WDTC1: variants seen among roughly 807,000 people sequenced by gnomAD.
WDTC1 encodes WD and tetratricopeptide repeats protein 1.
In WDTC1, 12 loss-of-function variants were observed where a neutral mutation model predicts 76.0. The observed-to-expected ratio is 0.16, with a 90% CI of 0.10 to 0.26. WDTC1 has a LOEUF of 0.26. Ranked by LOEUF, WDTC1 falls within the 10% of genes least tolerant of loss-of-function variation. The pLI is 1.00. For missense variants in WDTC1, 511 were observed against 908.8 expected, an observed-to-expected ratio of 0.56 and a Z score of 5.63; for synonymous variants, 326 against 350.8, an observed-to-expected ratio of 0.93 and a Z score of 0.79.
intron 1 of WDTC1, among the ~76,000 whole-genome samples, chr1:27,260,395 G>A (rs180997786): frequency 6.6e-6 from 1 of 152,272 alleles, no homozygotes; most frequent in African/African-American, 2.4e-5. Flanking sequence ...GTGAGCCACC[G>A]CGCCCGGCCC....
intron 1 of WDTC1, among the ~76,000 whole-genome samples, chr1:27,237,747 A>C (rs1454529419): frequency 6.6e-6 from 1 of 151,662 alleles, no homozygotes; most frequent in Non-Finnish European, 1.5e-5. Flanking sequence ...GCTACTCAGG[A>C]GGGATTTTCC....
At chr1:27,241,984 T>C (rs1413441448) in intron 1 of WDTC1, among the ~76,000 whole-genome samples, 1 of 151,490 alleles carries the variant, frequency 6.6e-6, no homozygotes, top group Non-Finnish European at 1.5e-5. Context: ...CTCAGGCTCC[T>C]GGGTTCAAGC....
intron 3 of WDTC1, among the ~76,000 whole-genome samples, chr1:27,263,878 T>C (rs2012568906): frequency 6.6e-6 from 1 of 152,058 alleles, no homozygotes; most frequent in South Asian, 2.1e-4. Context: ...TACATATACA[T>C]ATACGTATAC....
chr1:27,289,120 G>A (rs1430522510), intron 6 of WDTC1, among the ~76,000 whole-genome samples: 1 of 135,086 alleles, frequency 7.4e-6, no homozygotes, highest in Non-Finnish European at 1.6e-5. Flanking sequence ...GCGGCTGGCT[G>A]GGCAGAGGGG....
In WDTC1 at chr1:27,306,617, C is replaced by T. The variant is rs1238443211; in HGVS notation, c.*234C>T. The stretch of plus-strand genomic sequence containing the variant: ...CCCTGAAAAAAAGAGCAGGAGGGGA[C>T]ACCCCTCCATATGCCCCCCCCCATC... On this transcript the variant is annotated 3_prime_UTR_variant, in exon 16 of 16. Transcript: ENST00000319394. The surrounding 1 kb of genome is among the most constrained non-coding windows in gnomAD (Gnocchi z 5.0). 3 of 584,096 alleles carry T rather than the reference C, an allele frequency of 5.1e-6. No individual in the cohort carries two copies. The highest frequency in any genetic ancestry group is 3.7e-5 in the African/African-American group (2 of 53,516). 36.2% of individuals were successfully genotyped at this position (584,096 alleles called of 1,614,324 possible). A position where few individuals can be genotyped will look rare whatever the true frequency, so the allele number is the denominator to read the frequency against.
chr1:27,277,034 A>AT (rs1553130760), intron 3 of WDTC1, among the ~76,000 whole-genome samples: 1 of 8,068 alleles, frequency 1.2e-4, no homozygotes, highest in African/African-American at 1.8e-4. Context: ...TTTATGTTTT[A>AT]TTTTTTTTTT....
chr1:27,282,363 G>C, intron 4 of WDTC1, 78 bp downstream of exon 4: 4 of 1,434,616 alleles, frequency 2.8e-6, no homozygotes, highest in Non-Finnish European at 3.9e-6. Flanking sequence ...CCTCCTGAGA[G>C]GATCCAAGGA....
At chr1:27,263,814 G>C (rs1026894840) in intron 3 of WDTC1, among the ~76,000 whole-genome samples, 5 of 152,076 alleles carry the variant, frequency 3.3e-5, no homozygotes, top group Non-Finnish European at 7.4e-5. Context: ...CTTGGGCAGT[G>C]AATACAGATT....
chr1:27,242,445 T>C (rs1019546825), intron 1 of WDTC1, among the ~76,000 whole-genome samples: 1 of 151,978 alleles, frequency 6.6e-6, no homozygotes, highest in African/African-American at 2.4e-5. Flanking sequence ...CATTCCAGCC[T>C]GGGGAACAGA....
rs139067166 is a variant in WDTC1, at chr1:27,286,535, T to C, written c.292-1139T>C. Among the ~76,000 whole-genome samples, 297 of 149,040 alleles carry C rather than the reference T, an allele frequency of 2.0e-3. 2 individuals carry two copies. Among genetic ancestry groups the C allele is most frequent in the African/African-American group, 7.0e-3 (283 of 40,496 alleles). On this transcript the variant is annotated intron_variant, in intron 5 of 15. Coordinates refer to ENST00000319394, the MANE Select transcript of WDTC1 (RefSeq NM_001276252.2). The stretch of plus-strand genomic sequence containing the variant: ...CCCAGGCTGGAGTGCAGTGGCGTGA[T>C]CTCAGCTCACTGCAAGCTCTGCCTC...
rs1381922802 is a variant in WDTC1 at position 27,305,281 on chromosome 1, C to G, written c.1836+88C>G. ...TGCTAGCGCAGGGAAGAGAAATGAGCCACCCAGAGGCTAGAAGCTGCTAAG... is the reference window on the plus strand; with the variant it reads ...TGCTAGCGCAGGGAAGAGAAATGAGGCACCCAGAGGCTAGAAGCTGCTAAG... On this transcript the variant is annotated intron_variant, in intron 15 of 15. Coordinates refer to ENST00000319394, the MANE Select transcript of WDTC1 (RefSeq NM_001276252.2). This position sits in a 1 kb window ranked among gnomAD's most constrained non-coding sequence, Gnocchi z 4.6. 3.4e-6 allele frequency: 5 copies of G among 1,458,170 alleles called. No homozygotes were observed. The highest frequency in any genetic ancestry group is 4.6e-6 in the Non-Finnish European group (5 of 1,096,418). The allele number at this position is 1,458,170 out of a possible 1,614,324, so 90.3% of individuals were successfully genotyped here. A position where few individuals can be genotyped will look rare whatever the true frequency, so the allele number is the denominator to read the frequency against.
Position 27,287,149 on chromosome 1 carries a change from C to T in WDTC1, c.292-525C>T, listed in dbSNP as rs993538173. 4.5e-4 allele frequency among the ~76,000 whole-genome samples: 67 copies of T among 150,132 alleles called. 1 individual carries two copies. The highest frequency in any genetic ancestry group is 1.5e-3 in the African/African-American group (61 of 40,938). On this transcript the variant is annotated intron_variant, in intron 5 of 15. Transcript: ENST00000319394. ...CTGCACTCCAGCCTGGGTGACAGAG[C>T]GAGACGCTGTCTCAAAAAAAAAAAA...
At position 27,234,683 on chromosome 1, in the gene WDTC1, A is replaced by G; in HGVS notation, c.-368A>G. 1 of 396,228 alleles carries G rather than the reference A, an allele frequency of 2.5e-6. No individual in the cohort carries two copies. The highest frequency in any genetic ancestry group is 4.5e-6 in the Non-Finnish European group (1 of 224,668). 24.5% of individuals were successfully genotyped at this position (396,228 alleles called of 1,614,324 possible). A position where few individuals can be genotyped will look rare whatever the true frequency, so the allele number is the denominator to read the frequency against. ...TGGAGGAGATAAACAGAGGAGGAGG[A>G]GGGAGGGGAGTGCGTGTGTGAGAGC... is the stretch of plus-strand genomic sequence containing the variant. On this transcript the variant is annotated 5_prime_UTR_variant, in exon 1 of 16. Transcript: ENST00000319394.
chr1:27,247,836 A>G (rs1272008819), intron 1 of WDTC1, among the ~76,000 whole-genome samples: 1 of 151,284 alleles, frequency 6.6e-6, no homozygotes, highest in Non-Finnish European at 1.5e-5. Context: ...CTCCTGCCTC[A>G]GCCTCCCAAG....
intron 2 of WDTC1, 63 bp from the exon 3 acceptor site, chr1:27,263,089 A>G (rs2012535017): frequency 1.9e-6 from 3 of 1,560,902 alleles, no homozygotes; most frequent in Non-Finnish European, 2.6e-6. Flanking sequence ...GATATATAAT[A>G]GGCACATAAT....
chr1:27,265,042 C>T (rs1460103329), intron 3 of WDTC1, among the ~76,000 whole-genome samples: 1 of 152,056 alleles, frequency 6.6e-6, no homozygotes, highest in Non-Finnish European at 1.5e-5. Flanking sequence ...GAGCTCAAGC[C>T]ATTCACCTGC....
intron 7 of WDTC1, 31 bp from the exon 8 acceptor site, chr1:27,293,991 C>G (rs771475571): frequency 3.7e-6 from 6 of 1,608,728 alleles, no homozygotes; most frequent in Non-Finnish European, 5.1e-6. Flanking sequence ...AGTGCTGTAA[C>G]TTTAACCTAT....
chr1:27,239,859 A>C (rs1229678427), intron 1 of WDTC1, among the ~76,000 whole-genome samples: 2 of 150,778 alleles, frequency 1.3e-5, no homozygotes, highest in Non-Finnish European at 3.0e-5. Flanking sequence ...ACATGTATTG[A>C]ATATTTAGTA....
chr1:27,235,394 CTGTGTGTGTGTGTGTGTGTG>C (rs139665541), intron 1 of WDTC1, among the ~76,000 whole-genome samples: 7 of 141,116 alleles, frequency 5.0e-5, no homozygotes, highest in Non-Finnish European at 7.7e-5. Flanking sequence ...CTCTCTCTTT[CTGTGTGTGTGTGTGTGTGTG>C]TGTGTGTGTG....
Sources: gnomAD v4.1 joint callset for allele counts (sites outside exome capture counted in the v4.1 genomes callset) on GRCh38, gnomAD v4.1.1 for gene constraint, Gnocchi (gnomAD v3.1) non-coding constraint, MANE v1.5 for transcripts, NCBI Gene and HGNC (gene_info 2026-07-23, HGNC 2026-07-21) for gene names.